The following ITGB8 variants were observed in gnomAD, a reference collection of about 807,000 sequenced individuals.
ITGB8 encodes integrin beta-8.
In ITGB8, 30 loss-of-function variants were observed where a neutral mutation model predicts 89.5. The observed-to-expected ratio is 0.34, with a 90% CI of 0.25 to 0.45. ITGB8 has a LOEUF of 0.45. ITGB8 is among the 20% of genes least tolerant of loss of function. ITGB8 has a pLI of 1.00. For missense variants in ITGB8, 836 were observed against 933.3 expected (o/e 0.90, Z 1.36); for synonymous variants, 335 against 320.4 (o/e 1.05, Z -0.49).
chr7:20,409,063 A>G (rs189556606), intron 12 of ITGB8, among the ~76,000 whole-genome samples: 168 of 152,298 alleles, frequency 1.1e-3, no homozygotes, highest in Non-Finnish European at 1.9e-3. Flanking sequence ...TTACACTTCA[A>G]TTTCTGAAGA....
chr7:20,355,582 C>G (rs934877560), intron 1 of ITGB8, among the ~76,000 whole-genome samples: 3 of 152,132 alleles, frequency 2.0e-5, no homozygotes, highest in African/African-American at 4.8e-5. Context: ...CTGGTTTTCA[C>G]TAAACATAAA....
chr7:20,405,396 C>T (rs570574067), intron 11 of ITGB8, among the ~76,000 whole-genome samples: 31 of 150,374 alleles, frequency 2.1e-4, no homozygotes, highest in African/African-American at 7.3e-4. Context: ...CTGCAAGCTC[C>T]GCCTCCCGGG....
chr7:20,348,962 G>A (rs140442732), intron 1 of ITGB8, among the ~76,000 whole-genome samples: 1 of 152,092 alleles, frequency 6.6e-6, no homozygotes, highest in African/African-American at 2.4e-5. Context: ...AATTTTATAG[G>A]GCAATATGGA....
chr7:20,402,142 T>G lies in ITGB8; in HGVS notation c.1687+16T>G, dbSNP rs1285476942. ...CTGTGTGCTGGTGAGTATAAATATA[T>G]ACAGGCAGCTTTTACTTGTCACTAT... On this transcript the variant is annotated intron_variant, in intron 10 of 13. Transcript: ENST00000222573. The G allele has an allele frequency of 6.4e-7, 1 of 1,572,458 alleles. No individual in the cohort carries two copies.
chr7:20,360,195 T>C (rs1392757994), intron 1 of ITGB8, among the ~76,000 whole-genome samples: 1 of 152,116 alleles, frequency 6.6e-6, no homozygotes, highest in Non-Finnish European at 1.5e-5. Flanking sequence ...ACTTGTGAAT[T>C]TGTTTTTGCC....
rs1787193656 is a variant in ITGB8, at chr7:20,398,846, T to C, written c.1147-14T>C. The C allele has an allele frequency of 1.3e-6, 2 of 1,528,682 alleles. No homozygotes were observed. Among genetic ancestry groups the C allele is most frequent in the Admixed American group, 2.2e-5 (1 of 44,874 alleles). 94.7% of individuals were successfully genotyped at this position (1,528,682 alleles called of 1,614,324 possible). A position where few individuals can be genotyped will look rare whatever the true frequency, so the allele number is the denominator to read the frequency against. ...ACTACTCTCGTATGTAATTTAAAAA[T>C]AATGTCTCTGCAGAAGCTCATTTCA... On this transcript the variant is annotated splice_polypyrimidine_tract_variant and intron_variant, in intron 8 of 13. Transcript: ENST00000222573.
intron 1 of ITGB8, among the ~76,000 whole-genome samples, chr7:20,357,425 A>T (rs913138864): frequency 1.3e-5 from 2 of 152,216 alleles, no homozygotes; most frequent in Non-Finnish European, 2.9e-5. Flanking sequence ...TTGAGGACAC[A>T]TAACATCTTT....
At chr7:20,353,521 T>C (rs1785179352) in intron 1 of ITGB8, among the ~76,000 whole-genome samples, 2 of 152,208 alleles carry the variant, frequency 1.3e-5, no homozygotes, top group Non-Finnish European at 2.9e-5. Context: ...TTTGGTGATC[T>C]TGTACCTGAG....
chr7:20,344,743 T>C (rs1289742957), intron 1 of ITGB8, among the ~76,000 whole-genome samples: 1 of 152,074 alleles, frequency 6.6e-6, no homozygotes, highest in Non-Finnish European at 1.5e-5. Flanking sequence ...AGGGACAGCA[T>C]TGGGAGAAAG....
intron 1 of ITGB8, among the ~76,000 whole-genome samples, chr7:20,341,889 T>TAAA (rs372857680): frequency 7.1e-6 from 1 of 140,100 alleles, no homozygotes; most frequent in African/African-American, 2.6e-5. Context: ...ATGTTTGAGT[T>TAAA]AAAAAAAAAA....
chr7:20,396,302 G>A (rs1045855895), intron 8 of ITGB8, among the ~76,000 whole-genome samples: 5 of 151,910 alleles, frequency 3.3e-5, no homozygotes, highest in African/African-American at 7.3e-5. Flanking sequence ...GCATGGTGGC[G>A]GGTGCCTGTA....
chr7:20,354,979 T>C (rs890493059), intron 1 of ITGB8, among the ~76,000 whole-genome samples: 21 of 152,320 alleles, frequency 1.4e-4, no homozygotes, highest in Middle Eastern at 3.4e-3. Context: ...GGGAGATTAT[T>C]GTATAGACAT....
intron 1 of ITGB8, among the ~76,000 whole-genome samples, chr7:20,350,107 A>AAAAAAC (rs753073600): frequency 1.3e-5 from 2 of 152,256 alleles, no homozygotes; most frequent in Admixed American, 1.3e-4. Flanking sequence ...CCCCTTTTTT[A>AAAAAAC]AAAAACAAAA....
At chr7:20,363,922 A>C (rs1004972312) in intron 2 of ITGB8, among the ~76,000 whole-genome samples, 200 bp downstream of exon 2, 20 of 152,224 alleles carry the variant, frequency 1.3e-4, no homozygotes, top group African/African-American at 4.8e-4. Flanking sequence ...TTTATTAGGA[A>C]AATTATGGTA....
intron 3 of ITGB8, among the ~76,000 whole-genome samples, chr7:20,369,928 GGTT>G (rs1785858477): frequency 6.6e-6 from 1 of 151,838 alleles, no homozygotes; most frequent in African/African-American, 2.4e-5. Flanking sequence ...AAAATATACA[GGTT>G]GTTATTGATG....
chr7:20,390,786 C>T (rs1434728124), intron 6 of ITGB8, among the ~76,000 whole-genome samples: 1 of 152,038 alleles, frequency 6.6e-6, no homozygotes, highest in Non-Finnish European at 1.5e-5. Context: ...AGGTATCATT[C>T]ACATATTACA....
chr7:20,334,750 A>G (rs890479754), intron 1 of ITGB8, among the ~76,000 whole-genome samples: 1 of 152,322 alleles, frequency 6.6e-6, no homozygotes, highest in Middle Eastern at 3.4e-3. Context: ...GAAGCAATGG[A>G]GACACTTTCT....
At chr7:20,408,296 G>C (rs972227980) in intron 12 of ITGB8, among the ~76,000 whole-genome samples, 3 of 151,232 alleles carry the variant, frequency 2.0e-5, no homozygotes, top group Non-Finnish European at 2.9e-5. Flanking sequence ...TAGCAACAGA[G>C]ACCTGCACTG....
chr7:20,348,527 C>T (rs541745521), intron 1 of ITGB8, among the ~76,000 whole-genome samples: 42 of 152,260 alleles, frequency 2.8e-4, no homozygotes, highest in South Asian at 1.5e-3. Context: ...TTTATTGTTC[C>T]GTTATCCAGT....
Sources: gnomAD v4.1 joint callset for allele counts (sites outside exome capture counted in the v4.1 genomes callset) on GRCh38, gnomAD v4.1.1 for gene constraint, MANE v1.5 for transcripts, NCBI Gene and HGNC (gene_info 2026-07-23, HGNC 2026-07-21) for gene names.